The following GALNT8 variants were observed in gnomAD, a reference collection of about 807,000 sequenced individuals.
GALNT8 encodes the protein probable polypeptide N-acetylgalactosaminyltransferase 8.
A neutral mutation model predicts 62.7 loss-of-function variants in GALNT8; 66 were observed. That is an observed-to-expected ratio of 1.05 (90% CI 0.86 to 1.29). GALNT8 has a LOEUF of 1.29. Ranked by LOEUF, GALNT8 falls within the 50% of genes most tolerant of loss-of-function variation. GALNT8 has a pLI of 0.00. For synonymous variants in GALNT8, 288 were observed against 294.3 expected, an observed-to-expected ratio of 0.98 and a Z score of 0.22; for missense variants, 771 against 791.8, an observed-to-expected ratio of 0.97 and a Z score of 0.32.
chr12:4,747,792 A>G (rs1461973058), intron 6 of GALNT8, among the ~76,000 whole-genome samples: 2 of 152,054 alleles, frequency 1.3e-5, no homozygotes, highest in Non-Finnish European at 2.9e-5. Flanking sequence ...TGAGGAACCT[A>G]CAAACTGTTC....
At position 4,739,239 on chromosome 12, in the gene GALNT8, A is replaced by T. The variant is rs757661714; in HGVS notation, c.586A>T (p.Ile196Phe). ...ILIFVNEALS[I>F]IQRAITSIIN... The stretch of plus-strand genomic sequence containing the variant: ...CATATTCGTGAATGAAGCTCTGTCC[A>T]TTATACAACGGGCCATCACCAGTAT... The change falls in exon 3 of 11, where the codon ATT becomes TTT. Residue 196 changes from isoleucine (I) to phenylalanine (F), a missense_variant. Physicochemically the swap from Ile to Phe is conservative, Grantham distance 21. Transcript: ENST00000252318. The T allele has an allele frequency of 3.7e-6, 6 of 1,613,034 alleles. No individual in the cohort carries two copies. Among genetic ancestry groups the T allele is most frequent in the African/African-American group, 1.3e-5 (1 of 74,898 alleles).
At position 4,746,195 on chromosome 12, in the gene GALNT8, G is replaced by C. The variant is rs568448627; in HGVS notation, c.1110G>C (p.Glu370Asp). 6.2e-7 allele frequency: 1 copy of C among 1,613,694 alleles called. No homozygotes were observed. The highest frequency in any genetic ancestry group is 1.6e-4 in the Middle Eastern group (1 of 6,062). The change falls in exon 6 of 11, where the codon GAG (glutamate) becomes GAC (aspartate). Residue 370 changes from glutamate (E) to aspartate (D), a missense_variant. Transcript: ENST00000252318. ...ILAANRHFLG[E>D]IGSLDGGMLI... ...CTGCTAACAGGCACTTCCTGGGAGA[G>C]ATCGGGTCTCTGGATGGTGGAATGC...
intron 8 of GALNT8, among the ~76,000 whole-genome samples, 164 bp from the exon 9 acceptor site, chr12:4,763,788 T>C (rs1159871727): frequency 6.6e-6 from 1 of 152,172 alleles, no homozygotes; most frequent in Non-Finnish European, 1.5e-5. Context: ...CTGGTCTGTT[T>C]CCCAGTGCTT....
intron 1 of GALNT8, among the ~76,000 whole-genome samples, chr12:4,722,199 C>T (rs1453867640): frequency 6.6e-6 from 1 of 152,150 alleles, no homozygotes; most frequent in Non-Finnish European, 1.5e-5. Context: ...CCTTTCCCCA[C>T]GCCTATGTGT....
At chr12:4,737,494 T>G (rs572659201) in intron 2 of GALNT8, among the ~76,000 whole-genome samples, 1 of 152,142 alleles carries the variant, frequency 6.6e-6, no homozygotes, top group East Asian at 1.9e-4. Flanking sequence ...AGAGAAGAGG[T>G]GAAAAGGAAT....
intron 10 of GALNT8, among the ~76,000 whole-genome samples, chr12:4,771,647 G>A (rs1005725217): frequency 2.0e-5 from 3 of 152,148 alleles, no homozygotes; most frequent in Admixed American, 6.5e-5. Flanking sequence ...TGATAGCAGA[G>A]TGCAGGGCAT....
intron 2 of GALNT8, among the ~76,000 whole-genome samples, chr12:4,729,398 A>G (rs1447774759): frequency 6.6e-6 from 1 of 152,132 alleles, no homozygotes; most frequent in Non-Finnish European, 1.5e-5. Flanking sequence ...TGAAATTTGT[A>G]TCCTTTAACC....
At chr12:4,745,701 C>T in intron 5 of GALNT8, 75 bp downstream of exon 5, 5 of 1,120,660 alleles carry the variant, frequency 4.5e-6, no homozygotes, top group Non-Finnish European at 6.7e-6. Context: ...TTTTGTTTAT[C>T]TTTGGTGGTA....
At chr12:4,725,849 C>T (rs1011488928) in intron 1 of GALNT8, among the ~76,000 whole-genome samples, 12 of 152,122 alleles carry the variant, frequency 7.9e-5, no homozygotes, top group African/African-American at 7.2e-5. Context: ...CCACCACGCC[C>T]GGCCTGCTTT....
chr12:4,727,983 G>A (rs1293611883), intron 2 of GALNT8, among the ~76,000 whole-genome samples: 1 of 152,072 alleles, frequency 6.6e-6, no homozygotes, highest in African/African-American at 2.4e-5. Flanking sequence ...ATTCCCTCAA[G>A]CAGTATATGA....
intron 2 of GALNT8, among the ~76,000 whole-genome samples, chr12:4,728,766 A>G (rs184892925): frequency 3.3e-5 from 5 of 152,302 alleles, no homozygotes; most frequent in Admixed American, 3.3e-4. Flanking sequence ...GTAATTTTGT[A>G]GTACATTTTG....
intron 10 of GALNT8, among the ~76,000 whole-genome samples, chr12:4,767,711 C>T (rs1946405916): frequency 6.6e-6 from 1 of 152,128 alleles, no homozygotes; most frequent in Admixed American, 6.5e-5. Flanking sequence ...ACCTAGGGTG[C>T]TAAATATGAG....
At chr12:4,741,170 G>A (rs1357371619) in intron 3 of GALNT8, among the ~76,000 whole-genome samples, 1 of 152,170 alleles carries the variant, frequency 6.6e-6, no homozygotes, top group Non-Finnish European at 1.5e-5. Context: ...ACCTTCCTGA[G>A]AGAGCAAACA....
At chr12:4,746,701 G>A (rs1017345695) in intron 6 of GALNT8, among the ~76,000 whole-genome samples, 3 of 152,148 alleles carry the variant, frequency 2.0e-5, no homozygotes, top group African/African-American at 7.2e-5. Context: ...GATAGCCTGA[G>A]TTTGTGCTGA....
rs529836032 is a variant in GALNT8, at chr12:4,739,338, C to T, written c.676+9C>T. 9 of 1,606,802 alleles carry T rather than the reference C, an allele frequency of 5.6e-6. No individual in the cohort carries two copies. Among genetic ancestry groups the T allele is most frequent in the East Asian group, 2.2e-5 (1 of 44,834 alleles). On this transcript the variant is annotated intron_variant, in intron 3 of 10. Coordinates refer to ENST00000252318, the MANE Select transcript of GALNT8 (RefSeq NM_017417.2). ...TGATTTCAGCTCAAATGGTGAGCAA[C>T]GTGATCAAAGAATAATTGTAAAAAT...
chr12:4,746,427 G>A (rs562059457), intron 6 of GALNT8, among the ~76,000 whole-genome samples, 169 bp downstream of exon 6: 1 of 152,142 alleles, frequency 6.6e-6, no homozygotes, highest in Non-Finnish European at 1.5e-5. Flanking sequence ...TAGGACTTCT[G>A]GAGTGGACAC....
At chr12:4,724,175 A>AAATCAGAAG (rs1946184335) in intron 1 of GALNT8, among the ~76,000 whole-genome samples, 1 of 145,940 alleles carries the variant, frequency 6.9e-6, no homozygotes, top group African/African-American at 2.5e-5. Context: ...AAAAAAAAAA[A>AAATCAGAAG]TCAGAAGTCA....
At chr12:4,736,752 A>G (rs1029985946) in intron 2 of GALNT8, among the ~76,000 whole-genome samples, 3 of 151,968 alleles carry the variant, frequency 2.0e-5, no homozygotes, top group Non-Finnish European at 4.4e-5. Context: ...GGTTATATAC[A>G]GAGTTACTAG....
chr12:4,772,699 T>A lies in GALNT8; in HGVS notation c.*102T>A. The A allele has an allele frequency of 1.1e-6, 1 of 906,276 alleles. No individual in the cohort carries two copies. Among genetic ancestry groups the A allele is most frequent in the Non-Finnish European group, 1.7e-6 (1 of 587,516 alleles). 56.1% of individuals were successfully genotyped at this position (906,276 alleles called of 1,614,324 possible). On this transcript the variant is annotated 3_prime_UTR_variant, in exon 11 of 11. Transcript: ENST00000252318. The stretch of plus-strand genomic sequence containing the variant: ...TTCTCAATGAGAAAGAAAGCATGTG[T>A]ATGTCTGTTTATGGCGACTTCAGGT...
Sources: allele counts gnomAD v4.1 joint callset (sites outside exome capture counted in the v4.1 genomes callset), GRCh38; gene constraint gnomAD v4.1.1; transcripts MANE v1.5; gene names NCBI Gene and HGNC (gene_info 2026-07-23, HGNC 2026-07-21).